The following POLR1E variants were observed in gnomAD, a reference collection of about 807,000 sequenced individuals.
POLR1E encodes RNA polymerase I subunit E, also known as DNA-directed RNA polymerase I subunit RPA49.
In POLR1E, 37 loss-of-function variants were observed where a neutral mutation model predicts 50.9. That is an observed-to-expected ratio of 0.73 (90% CI 0.56 to 0.96). The LOEUF (loss-of-function observed/expected upper bound fraction) is 0.96, where lower values mean the gene tolerates loss of function less well. POLR1E is among the 40% of genes least tolerant of loss of function. POLR1E has a pLI of 0.00. For missense variants in POLR1E, 426 were observed against 518.1 expected, an observed-to-expected ratio of 0.82 and a Z score of 1.73; for synonymous variants, 166 against 191.6, an observed-to-expected ratio of 0.87 and a Z score of 1.10.
Position 37,486,120 on chromosome 9 carries a change from C to G in POLR1E, c.73C>G (p.Leu25Val). 1 of 1,596,812 alleles carries G rather than the reference C, an allele frequency of 6.3e-7. No homozygotes were observed. The highest frequency in any genetic ancestry group is 2.3e-5 in the East Asian group (1 of 44,262). ...GAPDGSQRAV[L>V]VQFSNGKLQS... ...GCCCGACGGGAGCCAGAGAGCTGTA[C>G]TGGGTAAAGACTGCGGAGCTGGAGC... is the stretch of plus-strand genomic sequence containing the variant. The change falls in exon 1 of 12, where the codon CTG (leucine) becomes GTG (valine). Residue 25 changes from leucine to valine, a missense_variant. Coordinates refer to ENST00000377798, the MANE Select transcript of POLR1E (RefSeq NM_022490.4).
At chr9:37,489,237 A>AAG (rs2118998907) in intron 3 of POLR1E, 78 bp from the exon 4 acceptor site, 2 of 780,706 alleles carry the variant, frequency 2.6e-6, no homozygotes, top group East Asian at 8.4e-5. Flanking sequence ...CTCTGTCTCA[A>AAG]AAAAAAAAAA....
intron 3 of POLR1E, among the ~76,000 whole-genome samples, chr9:37,488,988 C>T (rs1015763392): frequency 6.6e-6 from 1 of 152,104 alleles, no homozygotes; most frequent in Non-Finnish European, 1.5e-5. Context: ...CCTGTAATCC[C>T]AGCACTTTGG....
rs914335287 is a variant in POLR1E at position 37,493,635 on chromosome 9, G to A, written c.479G>A (p.Gly160Asp). 4.3e-6 allele frequency: 7 copies of A among 1,610,180 alleles called. No individual in the cohort carries two copies. The highest frequency in any genetic ancestry group is 1.7e-5 in the Admixed American group (1 of 59,698). Residue 160 changes from glycine (G) to aspartate (D), a missense_variant, in exon 6 of 12, where the codon GGC (glycine) becomes GAC (aspartate). Physicochemically the swap from Gly to Asp is moderately conservative, Grantham distance 94 (BLOSUM62 -1). Coordinates refer to ENST00000377798, the MANE Select transcript of POLR1E (RefSeq NM_022490.4). ...AACACCAGGAGAATGAACAGAGTTG[G>A]CAATGAATCTTTGAATCGTGCAGTG... is the stretch of plus-strand genomic sequence containing the variant. Reference protein sequence around the residue: ...ALNTRRMNRVGNESLNRAVAK... With the variant: ...ALNTRRMNRVDNESLNRAVAK...
rs1820763875 is a variant in POLR1E at position 37,495,245 on chromosome 9, C to A, written c.624C>A (p.Ala208=). 6.2e-7 allele frequency: 1 copy of A among 1,613,818 alleles called. No individual in the cohort carries two copies. The highest frequency in any genetic ancestry group is 1.7e-5 in the Admixed American group (1 of 60,004). Residue 208 remains alanine, a synonymous_variant, in exon 7 of 12, where the codon GCC becomes GCA. Transcript: ENST00000377798. ...TTCCTCCCTGCTATGATGATGCAGCCAAGCCTGAAGACGTGTATAAATTTG... is the reference window on the plus strand; with the variant it reads ...TTCCTCCCTGCTATGATGATGCAGCAAAGCCTGAAGACGTGTATAAATTTG... ...LYLPPCYDDA[A]KPEDVYKFED... is the part of the protein sequence containing the mutation.
At chr9:37,495,081 T>G in intron 6 of POLR1E, 88 bp from the exon 7 acceptor site, 2 of 1,113,820 alleles carry the variant, frequency 1.8e-6, no homozygotes, top group Non-Finnish European at 1.4e-6. Context: ...TTCTGGACCA[T>G]TGGTGGTCTG....
At chr9:37,488,369 A>G (rs1820615740) in intron 3 of POLR1E, among the ~76,000 whole-genome samples, 2 of 151,974 alleles carry the variant, frequency 1.3e-5, no homozygotes, top group Admixed American at 6.6e-5. Context: ...GTGGCTGGGT[A>G]ACTCTGCGCA....
intron 9 of POLR1E, among the ~76,000 whole-genome samples, chr9:37,500,596 G>C (rs540189189): frequency 1.3e-5 from 2 of 152,250 alleles, no homozygotes; most frequent in South Asian, 2.1e-4. Context: ...TAGGCCTCAG[G>C]CTGTGTTTTC....
At chr9:37,488,149 C>A (rs1426040088) in intron 3 of POLR1E, among the ~76,000 whole-genome samples, 1 of 152,208 alleles carries the variant, frequency 6.6e-6, no homozygotes, top group Non-Finnish European at 1.5e-5. Flanking sequence ...TCCTAAAAAC[C>A]TCATTCATTT....
Position 37,503,276 on chromosome 9 carries a change from G to A in POLR1E, c.*74G>A, listed in dbSNP as rs1266105815. ...TGGTCCTATTCATTTCCATTTTTAT[G>A]TATGTTTTGAAAAGAAAAGGTCCGG... is the stretch of plus-strand genomic sequence containing the variant. On this transcript the variant is annotated 3_prime_UTR_variant, in exon 12 of 12. Coordinates refer to ENST00000377798, the MANE Select transcript of POLR1E (RefSeq NM_022490.4). 4.7e-6 allele frequency: 7 copies of A among 1,492,650 alleles called. No homozygotes were observed. Among genetic ancestry groups the A allele is most frequent in the Non-Finnish European group, 6.3e-6 (7 of 1,118,750 alleles). 92.5% of individuals were successfully genotyped at this position (1,492,650 alleles called of 1,614,324 possible). A position where few individuals can be genotyped will look rare whatever the true frequency, so the allele number is the denominator to read the frequency against.
chr9:37,501,528 T>G (rs990743367), intron 10 of POLR1E, among the ~76,000 whole-genome samples, 185 bp from the exon 11 acceptor site: 1 of 152,262 alleles, frequency 6.6e-6, no homozygotes, highest in African/African-American at 2.4e-5. Context: ...ACTGGCACAC[T>G]GCTCCACTGT....
Position 37,486,824 on chromosome 9 carries a change from C to CA in POLR1E, c.180+19dup, listed in dbSNP as rs1554754091. On this transcript the variant is annotated intron_variant, in intron 2 of 11. Coordinates refer to ENST00000377798, the MANE Select transcript of POLR1E (RefSeq NM_022490.4). The stretch of plus-strand genomic sequence containing the variant: ...GGATCCTGGTAAGTGAAGCAGTTGC[C>CA]AGCTGTCTCCACTCTGCAGGGCTCA... 2 of 1,595,134 alleles carry CA rather than the reference C, an allele frequency of 1.3e-6. No individual in the cohort carries two copies. Among genetic ancestry groups the CA allele is most frequent in the African/African-American group, 2.7e-5 (2 of 74,780 alleles).
chr9:37,499,517 G>GT (rs899342899), intron 9 of POLR1E, among the ~76,000 whole-genome samples: 16 of 151,910 alleles, frequency 1.1e-4, no homozygotes, highest in Admixed American at 2.0e-4. Flanking sequence ...TTTTTTTGTT[G>GT]TTTTTTTGTT....
chr9:37,486,165 C>G (rs1053050037), intron 1 of POLR1E, 42 bp downstream of exon 1: 4 of 1,538,322 alleles, frequency 2.6e-6, no homozygotes, highest in Non-Finnish European at 3.5e-6. Flanking sequence ...CTAACCCTCT[C>G]CCCTTCCGTC....
chr9:37,501,138 T>A (rs1820880983), intron 10 of POLR1E, among the ~76,000 whole-genome samples: 1 of 152,236 alleles, frequency 6.6e-6, no homozygotes, highest in African/African-American at 2.4e-5. Context: ...TTTGGGAACC[T>A]TAGAAGCTCT....
intron 6 of POLR1E, among the ~76,000 whole-genome samples, 167 bp downstream of exon 6, chr9:37,493,870 A>G (rs550135371): frequency 1.3e-5 from 2 of 152,312 alleles, no homozygotes; most frequent in South Asian, 4.2e-4. Flanking sequence ...AGTAAGAAAC[A>G]TCCGACATGG....
At chr9:37,493,910 A>ATGTGATC (rs1276130599) in intron 6 of POLR1E, among the ~76,000 whole-genome samples, 3 of 152,210 alleles carry the variant, frequency 2.0e-5, no homozygotes, top group Non-Finnish European at 2.9e-5. Context: ...ACAGTCAAGT[A>ATGTGATC]CAGGGACAGG....
intron 4 of POLR1E, chr9:37,490,686 A>G: frequency 4.3e-6 from 3 of 696,240 alleles, no homozygotes; most frequent in South Asian, 4.2e-5. Flanking sequence ...CAATGCCAGC[A>G]GCATGCTAAA....
At chr9:37,498,444 G>A (rs867213453) in intron 9 of POLR1E, among the ~76,000 whole-genome samples, 43 of 152,172 alleles carry the variant, frequency 2.8e-4, no homozygotes, top group African/African-American at 9.9e-4. Flanking sequence ...TTGGGGCCAC[G>A]TTGGATTATA....
At chr9:37,495,778 T>C in intron 7 of POLR1E, 112 bp from the exon 8 acceptor site, 1 of 748,642 alleles carries the variant, frequency 1.3e-6, no homozygotes, top group Non-Finnish European at 2.4e-6. Flanking sequence ...CCCTGTGTGA[T>C]CTTTGGCTCT....
Sources: allele counts gnomAD v4.1 joint callset (sites outside exome capture counted in the v4.1 genomes callset), GRCh38; gene constraint gnomAD v4.1.1; transcripts MANE v1.5; gene names NCBI Gene and HGNC (gene_info 2026-07-23, HGNC 2026-07-21).